ENOX1: variants seen among roughly 807,000 people sequenced by gnomAD.
ENOX1 encodes the protein ecto-NOX disulfide-thiol exchanger 1, also known as candidate growth-related and time keeping constitutive hydroquinone (NADH) oxidase.
In ENOX1, 42 loss-of-function variants were observed where a neutral mutation model predicts 82.5. That is an observed-to-expected ratio of 0.51 (90% CI 0.40 to 0.66). The LOEUF (loss-of-function observed/expected upper bound fraction) is 0.66. ENOX1 is among the 30% of genes least tolerant of loss of function. The pLI is 0.00. For synonymous variants in ENOX1, 271 were observed against 282.2 expected (o/e 0.96, Z 0.40); for missense variants, 608 against 811.6 (o/e 0.75, Z 3.05).
intron 5 of ENOX1, among the ~76,000 whole-genome samples, chr13:43,367,281 C>T (rs979634249): frequency 1.3e-5 from 2 of 152,120 alleles, no homozygotes; most frequent in African/African-American, 2.4e-5. Context: ...TTGTGTCCCC[C>T]CAAAAGATAT....
At chr13:43,701,242 T>TA (rs2086892484) in intron 1 of ENOX1, among the ~76,000 whole-genome samples, 1 of 152,198 alleles carries the variant, frequency 6.6e-6, no homozygotes, top group South Asian at 2.1e-4. Flanking sequence ...CGTGCATTTG[T>TA]AAAAAATAAC....
chr13:43,775,557 C>G (rs1810706187), intron 1 of ENOX1, among the ~76,000 whole-genome samples: 1 of 152,212 alleles, frequency 6.6e-6, no homozygotes, highest in Admixed American at 6.5e-5. Flanking sequence ...AGATTATTCC[C>G]ATGTGTGCTA....
At chr13:43,754,035 T>TATATATACACATATATATACATATATAC in intron 1 of ENOX1, among the ~76,000 whole-genome samples, 1 of 126,046 alleles carries the variant, frequency 7.9e-6, no homozygotes, top group South Asian at 2.4e-4. Flanking sequence ...TACATATATA[T>TATATATACACATATATATACATATATAC]GTATATAAAT....
At chr13:43,358,434 G>A (rs1594125746) in intron 7 of ENOX1, among the ~76,000 whole-genome samples, 1 of 140,982 alleles carries the variant, frequency 7.1e-6, no homozygotes, top group East Asian at 2.2e-4. Flanking sequence ...GGGTTCTGCA[G>A]GATATACATG....
At chr13:43,589,205 G>A (rs1339282412) in intron 2 of ENOX1, among the ~76,000 whole-genome samples, 1 of 114,430 alleles carries the variant, frequency 8.7e-6, no homozygotes, top group Non-Finnish European at 1.7e-5. Flanking sequence ...CCAGAGCTTT[G>A]GACATTAATG....
chr13:43,487,546 G>T (rs2076471791), intron 2 of ENOX1, among the ~76,000 whole-genome samples: 1 of 152,154 alleles, frequency 6.6e-6, no homozygotes, highest in Non-Finnish European at 1.5e-5. Context: ...ACCAAGAGAG[G>T]TACACGATCC....
intron 1 of ENOX1, among the ~76,000 whole-genome samples, chr13:43,733,115 T>G (rs2153822835): frequency 6.6e-6 from 1 of 152,310 alleles, no homozygotes; most frequent in Middle Eastern, 3.4e-3. Flanking sequence ...TATACCTTCA[T>G]ACCTGGATAA....
intron 2 of ENOX1, among the ~76,000 whole-genome samples, chr13:43,521,932 A>T (rs1159203238): frequency 6.6e-6 from 1 of 152,126 alleles, no homozygotes; most frequent in Admixed American, 6.6e-5. Flanking sequence ...GCATATAAGT[A>T]CTTAAGAGAC....
At chr13:43,305,190 C>T (rs183183140) in intron 11 of ENOX1, among the ~76,000 whole-genome samples, 3 of 152,216 alleles carry the variant, frequency 2.0e-5, no homozygotes, top group Non-Finnish European at 2.9e-5. Flanking sequence ...TGCCAACAGC[C>T]AGTCTCCTGC....
intron 2 of ENOX1, among the ~76,000 whole-genome samples, chr13:43,615,305 T>C (rs2082359989): frequency 6.6e-6 from 1 of 152,072 alleles, no homozygotes; most frequent in African/African-American, 2.4e-5. Context: ...GTTTTCATAA[T>C]GGAATAATAG....
chr13:43,340,134 C>T (rs1254841961), intron 9 of ENOX1, among the ~76,000 whole-genome samples: 1 of 152,226 alleles, frequency 6.6e-6, no homozygotes, highest in Admixed American at 6.5e-5. Flanking sequence ...TGTGTATGTA[C>T]CTACCATGTT....
At chr13:43,427,259 TATAC>T (rs1363545311) in intron 3 of ENOX1, among the ~76,000 whole-genome samples, 2 of 152,162 alleles carry the variant, frequency 1.3e-5, no homozygotes, top group African/African-American at 4.8e-5. Flanking sequence ...AATAGCTCCC[TATAC>T]AGCAGTCACT....
At chr13:43,594,751 G>A (rs1318132521) in intron 2 of ENOX1, among the ~76,000 whole-genome samples, 1 of 152,108 alleles carries the variant, frequency 6.6e-6, no homozygotes, top group Non-Finnish European at 1.5e-5. Flanking sequence ...TCAAACCCAG[G>A]CCTAACTCCA....
chr13:43,317,898 G>T (rs76190827), intron 11 of ENOX1, among the ~76,000 whole-genome samples: 2 of 151,484 alleles, frequency 1.3e-5, no homozygotes, highest in East Asian at 1.9e-4. Flanking sequence ...CTAGCTACTC[G>T]GGAGGCTGAG....
chr13:43,469,342 T>A (rs971564231), intron 3 of ENOX1, among the ~76,000 whole-genome samples: 1 of 152,054 alleles, frequency 6.6e-6, no homozygotes, highest in Non-Finnish European at 1.5e-5. Flanking sequence ...CTTTTTTATA[T>A]GTTGCTGTAT....
chr13:43,754,838 C>T (rs1950560549), intron 1 of ENOX1, among the ~76,000 whole-genome samples: 2 of 152,148 alleles, frequency 1.3e-5, no homozygotes, highest in Non-Finnish European at 2.9e-5. Context: ...TTCCAAAGTG[C>T]TGGGATTCCA....
At chr13:43,400,343 T>G (rs573785629) in intron 5 of ENOX1, among the ~76,000 whole-genome samples, 15 of 152,270 alleles carry the variant, frequency 9.9e-5, no homozygotes, top group African/African-American at 3.6e-4. Context: ...AGCCAGGAAC[T>G]CCCTCCACCT....
At chr13:43,717,743 A>T (rs1424864642) in intron 1 of ENOX1, among the ~76,000 whole-genome samples, 1 of 152,244 alleles carries the variant, frequency 6.6e-6, no homozygotes, top group Non-Finnish European at 1.5e-5. Flanking sequence ...AGGAACAGAC[A>T]CTTCTCAAAA....
chr13:43,714,061 A>T, intron 1 of ENOX1, among the ~76,000 whole-genome samples: 1 of 142,154 alleles, frequency 7.0e-6, no homozygotes, highest in Non-Finnish European at 1.5e-5. Flanking sequence ...AGTGCTATAA[A>T]TTTCCCTCTA....
Sources: allele counts gnomAD v4.1 joint callset (sites outside exome capture counted in the v4.1 genomes callset), GRCh38; gene constraint gnomAD v4.1.1; transcripts MANE v1.5; gene names NCBI Gene and HGNC (gene_info 2026-07-23, HGNC 2026-07-21).